The following ANK2 variants were observed in gnomAD, a reference collection of about 807,000 sequenced individuals.
ANK2 encodes ankyrin 2.
ANK2 carries 83 observed loss-of-function variants against 360.5 expected under a neutral mutation model. That is an observed-to-expected ratio of 0.23 (90% CI 0.19 to 0.28). ANK2 has a LOEUF of 0.28. Among genes scored for constraint, ANK2 ranks in the 10% least tolerant of loss-of-function variants. The pLI, the probability that ANK2 is intolerant of heterozygous loss-of-function variation, is 1.00. For synonymous variants in ANK2, 1,740 were observed against 1,759.5 expected (o/e 0.99, Z 0.28); for missense variants, 4,201 against 4,795.7 (o/e 0.88, Z 3.66).
In ANK2 at chr4:113,290,534, G is replaced by A. The variant is rs539355948; in HGVS notation, c.2278-1882G>A. On this transcript the variant is annotated intron_variant, in intron 20 of 45. Coordinates refer to ENST00000357077, the MANE Select transcript of ANK2 (RefSeq NM_001148.6). ...AGCAACTTGGGACGAACCAGACCTG[G>A]TTAATCATATATTTAATTTGTGAAG... Among the ~76,000 whole-genome samples the A allele has an allele frequency of 7.2e-5, 11 of 152,136 alleles. No individual in the cohort carries two copies. The South Asian group carries it at 2.3e-3, about 32-fold the overall frequency.
At chr4:113,144,729 A>G (rs1306233733) in intron 1 of ANK2, among the ~76,000 whole-genome samples, 1 of 147,952 alleles carries the variant, frequency 6.8e-6, no homozygotes, top group Non-Finnish European at 1.5e-5. Context: ...ATAATTATAT[A>G]TAATAATATT....
chr4:113,051,999 T>C (rs1319488334), intron 1 of ANK2, among the ~76,000 whole-genome samples: 2 of 152,182 alleles, frequency 1.3e-5, no homozygotes, highest in Admixed American at 1.3e-4. Context: ...CAGAATCCAA[T>C]ATTGGTGCTT....
At chr4:112,775,458 G>T in the ANK2 span, among the ~76,000 whole-genome samples, 14 of 150,138 alleles carry the variant, frequency 9.3e-5, no homozygotes, top group African/African-American at 3.2e-4. Context: ...GGTGGAGGTT[G>T]CAGTGAGCCG....
In ANK2 at chr4:113,353,513, A is replaced by C; in HGVS notation, c.4895A>C (p.Asp1632Ala). 1.9e-6 allele frequency: 3 copies of C among 1,613,962 alleles called. No individual in the cohort carries two copies. Among genetic ancestry groups the C allele is most frequent in the Non-Finnish European group, 2.5e-6 (3 of 1,179,940 alleles). The change falls in exon 38 of 46, where the codon GAC (aspartate) becomes GCC (alanine). Residue 1632 changes from aspartate to alanine, a missense_variant. By Grantham distance (126) the Asp-to-Ala change is moderately radical (BLOSUM62 -2). Coordinates refer to ENST00000357077, the MANE Select transcript of ANK2 (RefSeq NM_001148.6). ...GAGATCAAAGGAAAAGTAGAGAAAG[A>C]CTCAACTGGGCTAGTGAACTACCTT... Reference protein sequence around the residue: ...DKEIKGKVEKDSTGLVNYLTD... With the variant: ...DKEIKGKVEKASTGLVNYLTD...
chr4:113,311,665 C>T (rs1411779917), intron 24 of ANK2, among the ~76,000 whole-genome samples: 1 of 152,108 alleles, frequency 6.6e-6, no homozygotes, highest in Non-Finnish European at 1.5e-5. Context: ...TAAGAGTTCT[C>T]ATCATTTAAA....
rs11941195 is a variant in ANK2 at position 112,976,278 on chromosome 4, C to T, written c.21+71764C>T. Among the ~76,000 whole-genome samples the T allele has an allele frequency of 8.8e-3, 1,344 of 152,054 alleles. 24 individuals carry two copies. The highest frequency in any genetic ancestry group is 0.031 in the African/African-American group (1,286 of 41,416). The stretch of plus-strand genomic sequence containing the variant: ...GCACGATCTTGGCTCACTGCAACCT[C>T]CATCTCCCAGGTTCAAGCGATTGTC... On this transcript the variant is annotated intron_variant, in intron 2 of 30. Coordinates refer to the ANK2 transcript ENST00000503271.
At chr4:113,301,597 A>C (rs1353234505) in intron 22 of ANK2, among the ~76,000 whole-genome samples, 1 of 151,996 alleles carries the variant, frequency 6.6e-6, no homozygotes, top group African/African-American at 2.4e-5. Context: ...TGTCCAACTA[A>C]AATTTTGTAT....
chr4:112,889,233 C>CA (rs34818154), intron 1 of ANK2, among the ~76,000 whole-genome samples: 3,830 of 129,768 alleles, frequency 0.03, 134 homozygotes, highest in African/African-American at 0.091. Flanking sequence ...GTCACTCATT[C>CA]AAAAAAAAAA....
intron 1 of ANK2, among the ~76,000 whole-genome samples, chr4:113,143,391 AG>A (rs1214219395): frequency 1.7e-5 from 2 of 119,998 alleles, no homozygotes; most frequent in East Asian, 2.5e-4. Flanking sequence ...TCTAGCACCT[AG>A]GGGCATCTCC....
chr4:113,292,018 A>G (rs1297035578), intron 20 of ANK2, among the ~76,000 whole-genome samples: 1 of 151,894 alleles, frequency 6.6e-6, no homozygotes, highest in Non-Finnish European at 1.5e-5. Context: ...AACAATTTTA[A>G]CTCTTGTTTC....
intron 31 of ANK2, among the ~76,000 whole-genome samples, chr4:113,337,796 G>C (rs1380035678): frequency 1.3e-5 from 2 of 151,944 alleles, no homozygotes; most frequent in Non-Finnish European, 2.9e-5. Flanking sequence ...CTCATTTTTG[G>C]TTATTGCTAT....
chr4:112,789,241 G>C, the ANK2 span, among the ~76,000 whole-genome samples: 1 of 152,198 alleles, frequency 6.6e-6, no homozygotes. Context: ...TCTTAGATGA[G>C]CTGAAGCCTG....
At chr4:113,207,892 C>T (rs2098973167) in intron 4 of ANK2, among the ~76,000 whole-genome samples, 1 of 152,058 alleles carries the variant, frequency 6.6e-6, no homozygotes, top group African/African-American at 2.4e-5. Flanking sequence ...GGTAACTGAA[C>T]TTCTTTTATA....
At chr4:112,877,239 C>T (rs951196836) in intron 1 of ANK2, among the ~76,000 whole-genome samples, 3 of 152,170 alleles carry the variant, frequency 2.0e-5, no homozygotes, top group South Asian at 2.1e-4. Flanking sequence ...GCCTGTAAGA[C>T]GTTTTCATCC....
chr4:112,901,253 C>T (rs2083267018), intron 1 of ANK2, among the ~76,000 whole-genome samples: 1 of 152,020 alleles, frequency 6.6e-6, no homozygotes, highest in South Asian at 2.1e-4. Context: ...TCCAATTATT[C>T]AGATATGGGT....
At chr4:112,980,986 G>A (rs2042962286) in intron 2 of ANK2, among the ~76,000 whole-genome samples, 1 of 152,230 alleles carries the variant, frequency 6.6e-6, no homozygotes, top group South Asian at 2.1e-4. Flanking sequence ...CAGCTGATAA[G>A]AGGCAGAGTT....
intron 1 of ANK2, among the ~76,000 whole-genome samples, chr4:113,089,110 C>A (rs908011467): frequency 2.6e-5 from 4 of 152,122 alleles, no homozygotes; most frequent in Non-Finnish European, 2.9e-5. Flanking sequence ...GGACTTCTAG[C>A]CTCTAGAAGT....
chr4:113,173,754 T>C (rs891647028), intron 1 of ANK2, among the ~76,000 whole-genome samples: 1 of 152,192 alleles, frequency 6.6e-6, no homozygotes, highest in Non-Finnish European at 1.5e-5. Flanking sequence ...CAAAAGATTT[T>C]AGTCTGGTAT....
At chr4:112,716,841 A>C in the ANK2 span, among the ~76,000 whole-genome samples, 1 of 152,160 alleles carries the variant, frequency 6.6e-6, no homozygotes, top group Admixed American at 6.5e-5. Context: ...GGAAAAGTAA[A>C]CCTTACTCCA....
Sources: allele counts gnomAD v4.1 joint callset (sites outside exome capture counted in the v4.1 genomes callset), GRCh38; gene constraint gnomAD v4.1.1; transcripts MANE v1.5; gene names NCBI Gene and HGNC (gene_info 2026-07-23, HGNC 2026-07-21).